The following SH3GL2 variants were observed in gnomAD, a reference collection of about 807,000 sequenced individuals.
SH3GL2 encodes the protein endophilin-A1.
A neutral mutation model predicts 46.0 loss-of-function variants in SH3GL2; 24 were observed. The observed-to-expected ratio is 0.52, with a 90% CI of 0.38 to 0.73. SH3GL2 has a LOEUF of 0.73. SH3GL2 is among the 30% of genes least tolerant of loss of function. The probability of loss-of-function intolerance (pLI) is 0.00; values close to 1 mark genes in which losing one functional copy is unlikely to be tolerated. For synonymous variants in SH3GL2, 196 were observed against 147.1 expected, an observed-to-expected ratio of 1.33 and a Z score of -2.40; for missense variants, 413 against 424.2, an observed-to-expected ratio of 0.97 and a Z score of 0.23.
At chr9:17,678,585 T>G (rs1820678919) in intron 1 of SH3GL2, among the ~76,000 whole-genome samples, 1 of 152,204 alleles carries the variant, frequency 6.6e-6, no homozygotes, top group Admixed American at 6.5e-5. Context: ...GTAGGTTGCC[T>G]GTTCACTCTG....
intron 3 of SH3GL2, among the ~76,000 whole-genome samples, chr9:17,780,483 T>A (rs13285808): frequency 0.022 from 1,804 of 82,022 alleles, 14 homozygotes; most frequent in African/African-American, 0.034. Context: ...TTTTTTTTAA[T>A]TTTTTTTTTA....
chr9:17,747,159 T>A, intron 2 of SH3GL2, 25 bp downstream of exon 2: 2 of 1,487,974 alleles, frequency 1.3e-6, no homozygotes, highest in Non-Finnish European at 1.9e-6. Flanking sequence ...CTGCCTAGTG[T>A]TCCCTTTGAC....
chr9:17,641,814 C>G (rs1449703571), intron 1 of SH3GL2, among the ~76,000 whole-genome samples: 1 of 137,876 alleles, frequency 7.3e-6, no homozygotes, highest in Admixed American at 6.9e-5. Context: ...TTTATTTATG[C>G]CACATTTTCT....
In SH3GL2 at chr9:17,579,249, G is replaced by C. The variant is rs1818226951; in HGVS notation, c.7G>C (p.Val3Leu). Reference protein sequence around the residue: MSVAGLKKQFHKA... With the variant: MSLAGLKKQFHKA... ...CAGCGCGGCCTCCTGCACCATGTCG[G>C]TGGCCGGCCTCAAGAAGCAGTTCCA... is the stretch of plus-strand genomic sequence containing the variant. Residue 3 changes from valine (V) to leucine (L), a missense_variant, in exon 1 of 9, where the codon GTG (valine) becomes CTG (leucine). Around this residue, in one of 3 missense-constraint regions of SH3GL2, gnomAD observed 160 missense variants for 192.3 expected, o/e 0.83. Coordinates refer to ENST00000380607, the MANE Select transcript of SH3GL2 (RefSeq NM_003026.5). 1.9e-6 allele frequency: 3 copies of C among 1,564,630 alleles called. No individual in the cohort carries two copies. The highest frequency in any genetic ancestry group is 1.4e-5 in the African/African-American group (1 of 70,764).
At chr9:17,768,297 G>A (rs752760651) in intron 3 of SH3GL2, among the ~76,000 whole-genome samples, 1 of 150,992 alleles carries the variant, frequency 6.6e-6, no homozygotes, top group Non-Finnish European at 1.5e-5. Context: ...CATGAACCTG[G>A]GAGGCGGAGC....
Position 17,796,972 on chromosome 9 carries a change from G to T in SH3GL2, c.*1229G>T, listed in dbSNP as rs1457484932. 6.6e-6 allele frequency: 1 copy of T among 152,612 alleles called. No individual in the cohort carries two copies. Among genetic ancestry groups the T allele is most frequent in the Admixed American group, 6.5e-5 (1 of 15,274 alleles). 9.5% of individuals were successfully genotyped at this position (152,612 alleles called of 1,614,324 possible). ...TATGCAGAGTTCTATTTATCTAGCT[G>T]TACAGACTCTTTCAGAGGTTTAACG... On this transcript the variant is annotated 3_prime_UTR_variant, in exon 9 of 9. Coordinates refer to ENST00000380607, the MANE Select transcript of SH3GL2 (RefSeq NM_003026.5).
intron 2 of SH3GL2, among the ~76,000 whole-genome samples, chr9:17,758,229 C>T (rs1273653387): frequency 3.3e-5 from 5 of 152,044 alleles, no homozygotes; most frequent in Non-Finnish European, 7.4e-5. Context: ...TGGTCTCTTC[C>T]TCTTATGTCC....
chr9:17,624,093 G>T (rs1303615389), intron 1 of SH3GL2, among the ~76,000 whole-genome samples: 1 of 152,080 alleles, frequency 6.6e-6, no homozygotes, highest in East Asian at 1.9e-4. Context: ...CATCCTGCCC[G>T]TTAAAAATGC....
At chr9:17,718,249 C>G (rs1821808626) in intron 1 of SH3GL2, among the ~76,000 whole-genome samples, 1 of 152,224 alleles carries the variant, frequency 6.6e-6, no homozygotes, top group South Asian at 2.1e-4. Context: ...TCATGCCATC[C>G]TCCCTCACAC....
intron 1 of SH3GL2, among the ~76,000 whole-genome samples, chr9:17,675,598 T>C (rs140433789): frequency 1.7e-4 from 26 of 152,354 alleles, no homozygotes; most frequent in African/African-American, 5.8e-4. Flanking sequence ...GCCTTAAGGA[T>C]GTAGACATGC....
chr9:17,782,112 G>A (rs368459798), intron 3 of SH3GL2, among the ~76,000 whole-genome samples: 2 of 152,042 alleles, frequency 1.3e-5, no homozygotes, highest in African/African-American at 4.8e-5. Context: ...TAGATTTTTG[G>A]TAAATGACTA....
rs534112372 is a variant in SH3GL2 at position 17,609,951 on chromosome 9, A to G, written c.45+30664A>G. Among the ~76,000 whole-genome samples the G allele has an allele frequency of 7.8e-4, 119 of 152,318 alleles. 1 individual carries two copies. In the Middle Eastern group the frequency reaches 0.014, roughly 17 times the overall value. On this transcript the variant is annotated intron_variant, in intron 1 of 8. Coordinates refer to ENST00000380607, the MANE Select transcript of SH3GL2 (RefSeq NM_003026.5). ...ACACGATTGGCCCTCTAACAGAGGA[A>G]CATTTTAATACAAGTGTGTACTGCT...
chr9:17,674,121 C>T lies in SH3GL2; in HGVS notation c.46-72945C>T, dbSNP rs184476507. 9.2e-5 allele frequency among the ~76,000 whole-genome samples: 14 copies of T among 152,194 alleles called. No individual in the cohort carries two copies. The East Asian group carries it at 1.9e-3, about 21-fold the overall frequency. ...TAATTGTGGCAAGAAATGTCTTTGCCTTTTCTTTTTAATGCAAATGAGAGT... is the reference window on the plus strand; with the variant it reads ...TAATTGTGGCAAGAAATGTCTTTGCTTTTTCTTTTTAATGCAAATGAGAGT... On this transcript the variant is annotated intron_variant, in intron 1 of 8. Transcript: ENST00000380607.
At chr9:17,646,991 A>C (rs1446738279) in intron 1 of SH3GL2, among the ~76,000 whole-genome samples, 3 of 151,972 alleles carry the variant, frequency 2.0e-5, no homozygotes, top group East Asian at 3.9e-4. Flanking sequence ...CCCTTCCCCC[A>C]GTTGTTCTGT....
At chr9:17,652,239 T>C (rs1163428884) in intron 1 of SH3GL2, among the ~76,000 whole-genome samples, 2 of 152,154 alleles carry the variant, frequency 1.3e-5, no homozygotes, top group African/African-American at 4.8e-5. Context: ...CCGTAAATTT[T>C]GGCATGAGTT....
intron 3 of SH3GL2, among the ~76,000 whole-genome samples, chr9:17,763,322 G>A (rs542413545): frequency 1.3e-4 from 20 of 152,144 alleles, no homozygotes; most frequent in African/African-American, 4.8e-4. Context: ...AAACTTATAA[G>A]GAATGTGACC....
chr9:17,717,386 T>A lies in SH3GL2; in HGVS notation c.46-29680T>A, dbSNP rs543363023. On this transcript the variant is annotated intron_variant, in intron 1 of 8. Transcript: ENST00000380607. Reference sequence around the variant, plus strand: ...TCCAAATTTGTCTAGCAAAGTCATATGAAATTAATCTTTTTTCCCACACAG... The same window carrying A: ...TCCAAATTTGTCTAGCAAAGTCATAAGAAATTAATCTTTTTTCCCACACAG... Among the ~76,000 whole-genome samples the A allele has an allele frequency of 7.9e-5, 12 of 152,178 alleles. No homozygotes were observed. The South Asian group carries it at 1.7e-3, about 21-fold the overall frequency.
chr9:17,749,419 G>A (rs1302933105), intron 2 of SH3GL2, among the ~76,000 whole-genome samples: 1 of 152,124 alleles, frequency 6.6e-6, no homozygotes, highest in African/African-American at 2.4e-5. Flanking sequence ...AGTCTTGCTT[G>A]ATCCCTCCTT....
At chr9:17,792,721 C>T (rs1270456451) in intron 7 of SH3GL2, among the ~76,000 whole-genome samples, 3 of 152,178 alleles carry the variant, frequency 2.0e-5, no homozygotes, top group African/African-American at 7.2e-5. Context: ...TCTTTTAGTT[C>T]TCTCCTTAAA....
Sources: gnomAD v4.1 joint callset for allele counts (sites outside exome capture counted in the v4.1 genomes callset) on GRCh38, gnomAD v4.1.1 for gene constraint, gnomAD v4.1.1 regional missense constraint, MANE v1.5 for transcripts, NCBI Gene and HGNC (gene_info 2026-07-23, HGNC 2026-07-21) for gene names.